The following MAGI2 variants were observed in gnomAD, a reference collection of about 807,000 sequenced individuals.
The protein encoded by MAGI2 is membrane-associated guanylate kinase, WW and PDZ domain-containing protein 2.
A neutral mutation model predicts 133.3 loss-of-function variants in MAGI2; 35 were observed. The ratio of observed to expected loss-of-function variants is 0.26; its 90% CI spans 0.20 to 0.35. The LOEUF is 0.35. MAGI2 is among the 10% of genes least tolerant of loss of function. The pLI is 1.00. For synonymous variants in MAGI2, 729 were observed against 710.6 expected (o/e 1.03, Z -0.41); for missense variants, 1,636 against 1,863.4 (o/e 0.88, Z 2.25).
intron 1 of MAGI2, among the ~76,000 whole-genome samples, chr7:79,035,065 A>G (rs1354477618): frequency 6.6e-6 from 1 of 152,170 alleles, no homozygotes; most frequent in Non-Finnish European, 1.5e-5. Context: ...AATCACCTCT[A>G]CAGATGTTTT....
intron 21 of MAGI2, among the ~76,000 whole-genome samples, chr7:78,050,070 A>G (rs1276203632): frequency 6.6e-6 from 1 of 152,242 alleles, no homozygotes; most frequent in East Asian, 1.9e-4. Flanking sequence ...ATACTTACGT[A>G]AAAGGTCAAT....
At chr7:79,269,413 G>A (rs975320530) in intron 1 of MAGI2, among the ~76,000 whole-genome samples, 3 of 152,116 alleles carry the variant, frequency 2.0e-5, no homozygotes. Context: ...TGAAATGCCT[G>A]TCTCTTCTGC....
At chr7:78,510,000 A>G (rs992434750) in intron 4 of MAGI2, among the ~76,000 whole-genome samples, 4 of 152,244 alleles carry the variant, frequency 2.6e-5, no homozygotes, top group African/African-American at 9.6e-5. Context: ...AACTTTTAAG[A>G]AATCCAATAA....
intron 2 of MAGI2, among the ~76,000 whole-genome samples, chr7:78,779,204 C>G (rs192487558): frequency 6.6e-6 from 1 of 151,940 alleles, no homozygotes; most frequent in Non-Finnish European, 1.5e-5. Context: ...CCACACTGAG[C>G]CTTCAGCCTT....
intron 1 of MAGI2, among the ~76,000 whole-genome samples, chr7:79,310,088 C>T (rs1303714970): frequency 3.7e-5 from 5 of 136,254 alleles, no homozygotes; most frequent in African/African-American, 8.1e-5. Context: ...TGCTTGAACC[C>T]GAGAGGTGGA....
At chr7:78,677,627 A>G (rs1815188276) in intron 2 of MAGI2, among the ~76,000 whole-genome samples, 1 of 152,074 alleles carries the variant, frequency 6.6e-6, no homozygotes, top group Non-Finnish European at 1.5e-5. Flanking sequence ...GGCATTTGCA[A>G]CCTCACATGA....
intron 2 of MAGI2, among the ~76,000 whole-genome samples, chr7:78,762,601 T>C (rs984162675): frequency 2.0e-5 from 3 of 152,178 alleles, no homozygotes; most frequent in African/African-American, 4.8e-5. Flanking sequence ...AACTAAAATA[T>C]ACAGGAACTA....
At chr7:78,775,320 T>TAAAAAAAAAAAAAAAAAAAA (rs3086258) in intron 2 of MAGI2, among the ~76,000 whole-genome samples, 8 of 57,374 alleles carry the variant, frequency 1.4e-4, no homozygotes, top group Admixed American at 2.7e-4. Context: ...CGTCTCAAAT[T>TAAAAAAAAAAAAAAAAAAAA]AAAAAAAAAA....
chr7:78,369,767 A>G (rs1793737894), intron 6 of MAGI2, among the ~76,000 whole-genome samples: 1 of 152,088 alleles, frequency 6.6e-6, no homozygotes, highest in Admixed American at 6.6e-5. Context: ...AAAATAAGGT[A>G]TAAAATTGTG....
chr7:78,746,711 T>C (rs1822958013), intron 2 of MAGI2, among the ~76,000 whole-genome samples: 1 of 152,224 alleles, frequency 6.6e-6, no homozygotes, highest in Admixed American at 6.5e-5. Flanking sequence ...TTAAAGCACA[T>C]TGTTCCAAAG....
chr7:78,032,467 G>A (rs1809692713), intron 21 of MAGI2, among the ~76,000 whole-genome samples: 1 of 151,996 alleles, frequency 6.6e-6, no homozygotes, highest in Admixed American at 6.6e-5. Flanking sequence ...TGCCTTCCTT[G>A]GCCTCCCAAA....
intron 2 of MAGI2, among the ~76,000 whole-genome samples, chr7:78,801,894 T>C (rs1233972984): frequency 2.6e-5 from 4 of 152,184 alleles, no homozygotes; most frequent in African/African-American, 9.6e-5. Context: ...ATTCATTAAA[T>C]GTTTAATGGT....
intron 1 of MAGI2, among the ~76,000 whole-genome samples, chr7:79,407,805 A>T (rs1315365799): frequency 1.3e-5 from 2 of 152,274 alleles, no homozygotes; most frequent in East Asian, 3.9e-4. Flanking sequence ...TAGTTTTGAA[A>T]AAAAAAACAT....
At chr7:78,819,095 C>G (rs968976559) in intron 2 of MAGI2, among the ~76,000 whole-genome samples, 1 of 151,994 alleles carries the variant, frequency 6.6e-6, no homozygotes, top group Non-Finnish European at 1.5e-5. Flanking sequence ...TAGATCTAGC[C>G]AAGCCACCAG....
Position 78,749,860 on chromosome 7 carries a change from CTTCA to C in MAGI2, c.419-122625_419-122622del, listed in dbSNP as rs561370055. ...AATTTGATTTATATAAACAATTTTT[CTTCA>C]TTCATTTAAGAAATACATATTGAGA... On this transcript the variant is annotated intron_variant, in intron 2 of 21. Coordinates refer to ENST00000354212, the MANE Select transcript of MAGI2 (RefSeq NM_012301.4). Among the ~76,000 whole-genome samples, 18 of 152,250 alleles carry C rather than the reference CTTCA, an allele frequency of 1.2e-4. 1 individual carries two copies. In the South Asian group the frequency reaches 3.5e-3, roughly 30 times the overall value.
At chr7:78,554,078 T>C (rs1213126248) in intron 3 of MAGI2, among the ~76,000 whole-genome samples, 3 of 152,182 alleles carry the variant, frequency 2.0e-5, no homozygotes, top group Non-Finnish European at 4.4e-5. Context: ...AACAATAACA[T>C]ATCCTTGGAG....
At chr7:78,094,912 C>A (rs773076242) in intron 20 of MAGI2, among the ~76,000 whole-genome samples, 1 of 152,106 alleles carries the variant, frequency 6.6e-6, no homozygotes, top group African/African-American at 2.4e-5. Context: ...GGAGAAAGGG[C>A]CTTATTCTTC....
chr7:79,131,752 T>G (rs552692234), intron 1 of MAGI2, among the ~76,000 whole-genome samples: 1 of 152,328 alleles, frequency 6.6e-6, no homozygotes, highest in East Asian at 1.9e-4. Context: ...TTGAATTTTT[T>G]AATTTTTAAA....
At chr7:79,167,385 C>A (rs1371986718) in intron 1 of MAGI2, among the ~76,000 whole-genome samples, 1 of 131,606 alleles carries the variant, frequency 7.6e-6, no homozygotes, top group East Asian at 2.2e-4. Flanking sequence ...AACTAACACC[C>A]CCCAAAAATG....
Sources: allele counts gnomAD v4.1 joint callset (sites outside exome capture counted in the v4.1 genomes callset), GRCh38; gene constraint gnomAD v4.1.1; transcripts MANE v1.5; gene names NCBI Gene and HGNC (gene_info 2026-07-23, HGNC 2026-07-21).